The following DPP6 variants were observed in gnomAD, a reference collection of about 807,000 sequenced individuals.
The protein encoded by DPP6 is dipeptidyl peptidase like 6.
DPP6 carries 69 observed loss-of-function variants against 122.6 expected under a neutral mutation model. The ratio of observed to expected loss-of-function variants is 0.56; its 90% CI spans 0.46 to 0.69. The LOEUF is 0.69. Ranked by LOEUF, DPP6 falls within the 30% of genes least tolerant of loss-of-function variation. The pLI is 0.00. For synonymous variants in DPP6, 418 were observed against 433.1 expected (o/e 0.97, Z 0.43); for missense variants, 928 against 1,116.9 (o/e 0.83, Z 2.41).
the DPP6 span, among the ~76,000 whole-genome samples, chr7:153,860,257 C>T: frequency 6.6e-6 from 1 of 152,156 alleles, no homozygotes; most frequent in African/African-American, 2.4e-5. Flanking sequence ...GGGGAATCTC[C>T]ACCATGTTGG....
chr7:154,713,322 A>G (rs979539923), intron 7 of DPP6, among the ~76,000 whole-genome samples: 1 of 152,164 alleles, frequency 6.6e-6, no homozygotes, highest in Non-Finnish European at 1.5e-5. Flanking sequence ...CTGGGATCTG[A>G]AGGATGGTGG....
intron 5 of DPP6, among the ~76,000 whole-genome samples, chr7:154,617,679 G>A (rs1834352439): frequency 6.6e-6 from 1 of 152,190 alleles, no homozygotes; most frequent in South Asian, 2.1e-4. Flanking sequence ...AAATATGTAA[G>A]AGTATTGGTT....
At chr7:153,770,269 C>T in the DPP6 span, among the ~76,000 whole-genome samples, 1 of 152,108 alleles carries the variant, frequency 6.6e-6, no homozygotes, top group Non-Finnish European at 1.5e-5. Flanking sequence ...AGAGAATCAG[C>T]AGTAATATAT....
At chr7:153,815,152 A>G in the DPP6 span, among the ~76,000 whole-genome samples, 1 of 152,302 alleles carries the variant, frequency 6.6e-6, no homozygotes, top group African/African-American at 2.4e-5. Flanking sequence ...TCAATTAGGA[A>G]AAGAGGAAGT....
In DPP6 at chr7:154,763,355, GGAGA is replaced by G. The variant is rs5888592; in HGVS notation, c.884-6043_884-6040del. On this transcript the variant is annotated intron_variant, in intron 8 of 25. Transcript: ENST00000377770. ...TCAAAAAAAGGAAGGAAGGAAGGAA[GGAGA>G]GAGAGAGAGAGAGAGAGAAAGAAAG... Among the ~76,000 whole-genome samples the G allele has an allele frequency of 3.6e-4, 52 of 146,080 alleles. 1 individual carries two copies. In the East Asian group the frequency reaches 3.9e-3, roughly 11 times the overall value.
At position 154,803,875 on chromosome 7, in the gene DPP6, C is replaced by T. The variant is rs1344200586; in HGVS notation, c.1419C>T (p.Ser473=). The change falls in exon 14 of 26, where the codon AGC becomes AGT. Residue 473 remains serine (S), a synonymous_variant. Coordinates refer to ENST00000377770, the MANE Select transcript of DPP6 (RefSeq NM_130797.4). The stretch of plus-strand genomic sequence containing the variant: ...TCTGTGTGTTTCAGCCCAACAGCAG[C>T]AACGACAACATCCAGTCCATCACCT... ...ITVSSSQPNS[S]NDNIQSITSG... is the part of the protein sequence containing the mutation. 1 of 1,613,654 alleles carries T rather than the reference C, an allele frequency of 6.2e-7. No homozygotes were observed. Among genetic ancestry groups the T allele is most frequent in the Non-Finnish European group, 8.5e-7 (1 of 1,179,672 alleles).
intron 1 of DPP6, among the ~76,000 whole-genome samples, chr7:154,277,347 A>G (rs1804208523): frequency 6.6e-6 from 1 of 152,196 alleles, no homozygotes; most frequent in Admixed American, 6.5e-5. Context: ...CTGAGCTAGT[A>G]AAAACAACAA....
At chr7:154,255,757 G>T (rs1802618063) in intron 1 of DPP6, among the ~76,000 whole-genome samples, 1 of 152,202 alleles carries the variant, frequency 6.6e-6, no homozygotes, top group Non-Finnish European at 1.5e-5. Context: ...ATGTTCTATT[G>T]TTTCACAATG....
intron 1 of DPP6, among the ~76,000 whole-genome samples, chr7:154,086,620 C>CTT (rs1177763713): frequency 2.9e-3 from 390 of 136,552 alleles, no homozygotes; most frequent in South Asian, 5.3e-3. Flanking sequence ...AGAGCTTACT[C>CTT]TTTTTTTTTT....
chr7:154,436,601 G>T (rs915246155), intron 1 of DPP6, among the ~76,000 whole-genome samples: 1 of 152,140 alleles, frequency 6.6e-6, no homozygotes, highest in African/African-American at 2.4e-5. Flanking sequence ...GTTAACCATT[G>T]CTATTGTGAA....
intron 1 of DPP6, among the ~76,000 whole-genome samples, chr7:154,163,631 G>C (rs1797089234): frequency 6.6e-6 from 1 of 152,186 alleles, no homozygotes; most frequent in Non-Finnish European, 1.5e-5. Context: ...AAGATCGCCA[G>C]ATTTGCTAGT....
chr7:154,090,931 T>G (rs577280466), intron 1 of DPP6, among the ~76,000 whole-genome samples: 3 of 148,976 alleles, frequency 2.0e-5, no homozygotes, highest in Non-Finnish European at 4.5e-5. Context: ...CCATCCTGGC[T>G]AACACAGTGA....
At chr7:154,577,848 T>C (rs1007156824) in intron 5 of DPP6, among the ~76,000 whole-genome samples, 9 of 152,210 alleles carry the variant, frequency 5.9e-5, no homozygotes, top group Non-Finnish European at 8.8e-5. Flanking sequence ...AAGCAATTAA[T>C]ATAGACCCAG....
intron 7 of DPP6, among the ~76,000 whole-genome samples, chr7:154,701,764 A>G (rs912948424): frequency 6.6e-6 from 1 of 152,180 alleles, no homozygotes; most frequent in African/African-American, 2.4e-5. Flanking sequence ...CAAACCCACA[A>G]AGTTATTCCT....
intron 8 of DPP6, among the ~76,000 whole-genome samples, chr7:154,731,758 TC>T (rs1842350078): frequency 6.6e-6 from 1 of 152,140 alleles, no homozygotes; most frequent in Non-Finnish European, 1.5e-5. Context: ...CTTAATAGAG[TC>T]CTACAACTTT....
chr7:154,762,435 C>T (rs1417791136), intron 8 of DPP6, among the ~76,000 whole-genome samples: 2 of 152,236 alleles, frequency 1.3e-5, no homozygotes, highest in African/African-American at 4.8e-5. Context: ...AACCCCTAAC[C>T]ACAAATAATG....
chr7:153,860,210 C>G, the DPP6 span, among the ~76,000 whole-genome samples: 5 of 152,148 alleles, frequency 3.3e-5, no homozygotes, highest in Non-Finnish European at 5.9e-5. Context: ...AAAGGAATGA[C>G]TTGCCAAGAT....
chr7:154,059,813 G>A (rs538428697), intron 1 of DPP6, among the ~76,000 whole-genome samples: 17 of 151,492 alleles, frequency 1.1e-4, no homozygotes, highest in South Asian at 6.3e-4. Context: ...GCTGAGGCCC[G>A]TAGCCTACGT....
intron 3 of DPP6, among the ~76,000 whole-genome samples, chr7:154,507,943 A>G (rs1825784418): frequency 7.0e-6 from 1 of 142,050 alleles, no homozygotes; most frequent in African/African-American, 2.5e-5. Context: ...ATCTTGGAGG[A>G]AGAACTTATT....
Sources: gnomAD v4.1 joint callset for allele counts (sites outside exome capture counted in the v4.1 genomes callset) on GRCh38, gnomAD v4.1.1 for gene constraint, MANE v1.5 for transcripts, NCBI Gene and HGNC (gene_info 2026-07-23, HGNC 2026-07-21) for gene names.